The following CSMD1 variants were observed in gnomAD, a reference collection of about 807,000 sequenced individuals.
CSMD1 encodes CUB and sushi domain-containing protein 1.
CSMD1 carries 213 observed loss-of-function variants against 417.5 expected under a neutral mutation model. The ratio of observed to expected loss-of-function variants is 0.51; its 90% confidence interval spans 0.46 to 0.57. The LOEUF (loss-of-function observed/expected upper bound fraction) is 0.57, where lower values mean the gene tolerates loss of function less well. Ranked by LOEUF, CSMD1 falls within the 20% of genes least tolerant of loss-of-function variation. The pLI is 0.00. For synonymous variants in CSMD1, 2,862 were observed against 1,736.8 expected, an observed-to-expected ratio of 1.65 and a Z score of -16.11; for missense variants, 6,923 against 4,529.7, an observed-to-expected ratio of 1.53 and a Z score of -15.17.
intron 5 of CSMD1, among the ~76,000 whole-genome samples, chr8:3,942,861 A>G (rs563287150): frequency 6.6e-6 from 1 of 152,166 alleles, no homozygotes; most frequent in African/African-American, 2.4e-5. Context: ...CCACAAATTG[A>G]TGTGATAATG....
At chr8:3,000,260 T>TA in intron 52 of CSMD1, 129 bp from the exon 53 acceptor site, 1 of 442,382 alleles carries the variant, frequency 2.3e-6, no homozygotes, top group Non-Finnish European at 3.9e-6. Context: ...TATCATTACA[T>TA]ATATATGTAT....
At chr8:3,443,368 A>G (rs1340567572) in intron 12 of CSMD1, among the ~76,000 whole-genome samples, 1 of 152,222 alleles carries the variant, frequency 6.6e-6, no homozygotes, top group Non-Finnish European at 1.5e-5. Flanking sequence ...GCAAGCTACT[A>G]TAGAATGAGC....
intron 1 of CSMD1, among the ~76,000 whole-genome samples, chr8:4,705,828 G>C (rs1000291072): frequency 6.6e-6 from 1 of 152,020 alleles, no homozygotes; most frequent in Non-Finnish European, 1.5e-5. Flanking sequence ...TATTCTATGA[G>C]CCAGCTGCAT....
intron 7 of CSMD1, among the ~76,000 whole-genome samples, chr8:3,684,693 G>A (rs1464590489): frequency 1.3e-5 from 2 of 150,658 alleles, no homozygotes; most frequent in Non-Finnish European, 2.9e-5. Flanking sequence ...CGCCTCGCAG[G>A]TTCACGCCAT....
intron 3 of CSMD1, among the ~76,000 whole-genome samples, chr8:4,303,422 G>GTTTTTTTTTTTTTT (rs71511194): frequency 1.2e-5 from 1 of 85,250 alleles, no homozygotes; most frequent in African/African-American, 4.8e-5. Flanking sequence ...GCAGGAAGCT[G>GTTTTTTTTTTTTTT]TTTTTTTTTT....
At chr8:3,207,865 G>T (rs1797393100) in intron 30 of CSMD1, among the ~76,000 whole-genome samples, 1 of 152,120 alleles carries the variant, frequency 6.6e-6, no homozygotes, top group Non-Finnish European at 1.5e-5. Context: ...ATTTTAAATA[G>T]AAACATTTTA....
intron 24 of CSMD1, among the ~76,000 whole-genome samples, 181 bp downstream of exon 24, chr8:3,308,131 C>T (rs1404085018): frequency 6.6e-6 from 1 of 151,980 alleles, no homozygotes; most frequent in African/African-American, 2.4e-5. Context: ...ACTAGAAAAA[C>T]TGTCTTTCAT....
chr8:3,459,659 T>G (rs1322588279), intron 12 of CSMD1, among the ~76,000 whole-genome samples: 2 of 151,998 alleles, frequency 1.3e-5, no homozygotes, highest in African/African-American at 4.8e-5. Flanking sequence ...GGAGGTGGAC[T>G]CAGAGAACCA....
At chr8:3,400,027 T>G (rs1390157054) in intron 15 of CSMD1, among the ~76,000 whole-genome samples, 1 of 152,172 alleles carries the variant, frequency 6.6e-6, no homozygotes. Context: ...TTTGTGAGTG[T>G]GAAACAAAAC....
At chr8:3,751,375 A>T (rs1204350589) in intron 6 of CSMD1, among the ~76,000 whole-genome samples, 1 of 144,222 alleles carries the variant, frequency 6.9e-6, no homozygotes, top group Non-Finnish European at 1.5e-5. Flanking sequence ...TATATAAATT[A>T]TTTATATATT....
At chr8:3,749,367 T>G (rs180760394) in intron 6 of CSMD1, among the ~76,000 whole-genome samples, 48 of 152,286 alleles carry the variant, frequency 3.2e-4, no homozygotes, top group South Asian at 1.5e-3. Flanking sequence ...ATTTTAAAAG[T>G]GAATAGATTT....
intron 54 of CSMD1, among the ~76,000 whole-genome samples, chr8:2,988,331 C>G (rs560107348): frequency 6.6e-6 from 1 of 151,670 alleles, no homozygotes; most frequent in Non-Finnish European, 1.5e-5. Flanking sequence ...GTCTAAACAC[C>G]CAATCCTATA....
At chr8:4,308,828 T>C (rs1040117023) in intron 3 of CSMD1, among the ~76,000 whole-genome samples, 2 of 152,204 alleles carry the variant, frequency 1.3e-5, no homozygotes, top group Non-Finnish European at 2.9e-5. Flanking sequence ...CCTTCATTTA[T>C]GAAGCAATGA....
chr8:4,630,600 T>C (rs1358775120), intron 2 of CSMD1, among the ~76,000 whole-genome samples: 1 of 152,128 alleles, frequency 6.6e-6, no homozygotes, highest in Non-Finnish European at 1.5e-5. Context: ...TTGAGGAAAA[T>C]TACATTTTAT....
At chr8:3,741,229 A>C (rs1467096560) in intron 6 of CSMD1, among the ~76,000 whole-genome samples, 5 of 150,938 alleles carry the variant, frequency 3.3e-5, no homozygotes, top group Non-Finnish European at 7.4e-5. Context: ...AAAAAAAAAA[A>C]AAAAAAAAAA....
intron 3 of CSMD1, among the ~76,000 whole-genome samples, chr8:4,084,665 C>G (rs1390684083): frequency 6.6e-6 from 1 of 151,996 alleles, no homozygotes; most frequent in Admixed American, 6.6e-5. Context: ...TTAGCAAGAC[C>G]AGTAGGGAAA....
intron 49 of CSMD1, among the ~76,000 whole-genome samples, chr8:3,066,522 G>A (rs566457078): frequency 3.9e-5 from 6 of 152,252 alleles, no homozygotes; most frequent in African/African-American, 1.4e-4. Flanking sequence ...GTGGACTCTG[G>A]GGGTCCTTTA....
chr8:4,819,966 G>A (rs1346568877), intron 1 of CSMD1, among the ~76,000 whole-genome samples: 1 of 152,116 alleles, frequency 6.6e-6, no homozygotes, highest in Non-Finnish European at 1.5e-5. Context: ...TCAACTAATT[G>A]GTTTTATTGT....
intron 5 of CSMD1, among the ~76,000 whole-genome samples, chr8:3,982,294 G>C (rs1813945252): frequency 6.6e-6 from 1 of 151,654 alleles, no homozygotes; most frequent in African/African-American, 2.4e-5. Flanking sequence ...TTCCTGAGTT[G>C]TGTGATACAG....
Sources: allele counts gnomAD v4.1 joint callset (sites outside exome capture counted in the v4.1 genomes callset), GRCh38; gene constraint gnomAD v4.1.1; transcripts MANE v1.5; gene names NCBI Gene and HGNC (gene_info 2026-07-23, HGNC 2026-07-21).